The following LAMA3 variants were observed in gnomAD, a reference collection of about 807,000 sequenced individuals.
LAMA3 encodes laminin subunit alpha 3, also known as laminin subunit alpha-3.
A neutral mutation model predicts 402.0 loss-of-function variants in LAMA3; 281 were observed. That is an observed-to-expected ratio of 0.70 (90% CI 0.63 to 0.77). The LOEUF is 0.77. Ranked by LOEUF, LAMA3 falls within the 30% of genes least tolerant of loss-of-function variation. The pLI is 0.00. For synonymous variants in LAMA3, 1,431 were observed against 1,558.4 expected (o/e 0.92, Z 1.93); for missense variants, 3,840 against 4,215.5 (o/e 0.91, Z 2.47).
Position 23,841,417 on chromosome 18 carries a change from C to T in LAMA3, c.3337-978C>T, listed in dbSNP as rs557039342. On this transcript the variant is annotated intron_variant, in intron 27 of 74. Coordinates refer to ENST00000313654, the MANE Select transcript of LAMA3 (RefSeq NM_198129.4). ...CCAGCTTTTAGCCCTCAAAAACACT[C>T]GTTTTCATGGTGGGAGTGGAGGGAG... is the stretch of plus-strand genomic sequence containing the variant. Among the ~76,000 whole-genome samples, 36 of 152,196 alleles carry T rather than the reference C, an allele frequency of 2.4e-4. 1 individual carries two copies. The highest frequency in any genetic ancestry group is 7.2e-4 in the African/African-American group (30 of 41,528).
At chr18:23,769,984 CAA>C (rs1197508103) in intron 8 of LAMA3, among the ~76,000 whole-genome samples, 2 of 152,044 alleles carry the variant, frequency 1.3e-5, no homozygotes, top group South Asian at 2.1e-4. Flanking sequence ...AACTTTAAGA[CAA>C]AGAGCATTAA....
rs116695451 is a variant in LAMA3, at chr18:23,902,361, A to G, written c.6202-648A>G. Reference sequence around the variant, plus strand: ...AAAAAAAATTAAAAACAACAAAAATATGAGCGGTTTTATAGGGTTACAAAA... The same window carrying G: ...AAAAAAAATTAAAAACAACAAAAATGTGAGCGGTTTTATAGGGTTACAAAA... On this transcript the variant is annotated intron_variant, in intron 48 of 74. Coordinates refer to ENST00000313654, the MANE Select transcript of LAMA3 (RefSeq NM_198129.4). 3.4e-3 allele frequency among the ~76,000 whole-genome samples: 519 copies of G among 152,270 alleles called. 1 individual carries two copies. Among genetic ancestry groups the G allele is most frequent in the African/African-American group, 0.012 (491 of 41,564 alleles).
chr18:23,889,881 T>G, intron 41 of LAMA3, 130 bp from the exon 42 acceptor site: 5 of 774,684 alleles, frequency 6.5e-6, no homozygotes, highest in South Asian at 5.4e-5. Flanking sequence ...TATTCATTCT[T>G]GCAGATCTAT....
At chr18:23,908,256 C>T (rs555155909) in intron 54 of LAMA3, among the ~76,000 whole-genome samples, 4 of 151,998 alleles carry the variant, frequency 2.6e-5, no homozygotes, top group Non-Finnish European at 4.4e-5. Context: ...GTTTTCTGTG[C>T]GCTGTGGCTC....
intron 12 of LAMA3, among the ~76,000 whole-genome samples, chr18:23,803,717 A>T (rs936185129): frequency 1.3e-5 from 2 of 152,150 alleles, no homozygotes; most frequent in African/African-American, 4.8e-5. Flanking sequence ...TACTGGGAGG[A>T]TTTCCCTTCA....
Position 23,826,718 on chromosome 18 carries a change from T to A in LAMA3, c.2588T>A (p.Leu863His). 1 of 1,559,964 alleles carries A rather than the reference T, an allele frequency of 6.4e-7. No individual in the cohort carries two copies. Among genetic ancestry groups the A allele is most frequent in the Non-Finnish European group, 8.7e-7 (1 of 1,150,122 alleles). ...EGVLLDYLVL[L>H]PRDYYEASVL... Reference sequence around the variant, plus strand: ...ATTTTCTAGGATTACCTGGTGCTGCTCCCCAGGGACTACTATGAAGCCTCT... The same window carrying A: ...ATTTTCTAGGATTACCTGGTGCTGCACCCCAGGGACTACTATGAAGCCTCT... Residue 863 changes from leucine (L) to histidine (H), a missense_variant, in exon 22 of 75, where the codon CTC (leucine) becomes CAC (histidine). By Grantham distance (99) the Leu-to-His change is moderately conservative. This residue lies in a region of LAMA3 where 2,109 missense variants were observed against 2,376.0 expected (regional missense o/e 0.89). Transcript: ENST00000313654.
intron 2 of LAMA3, among the ~76,000 whole-genome samples, chr18:23,745,958 C>A (rs915419381): frequency 6.6e-6 from 1 of 152,068 alleles, no homozygotes; most frequent in South Asian, 2.1e-4. Context: ...GAGTTTTTAG[C>A]GAAATATATT....
intron 37 of LAMA3, among the ~76,000 whole-genome samples, chr18:23,868,952 A>C (rs1212712114): frequency 6.6e-6 from 1 of 152,226 alleles, no homozygotes; most frequent in African/African-American, 2.4e-5. Context: ...AATGTTTCTG[A>C]AAAGGTACAT....
chr18:23,784,031 T>C lies in LAMA3; in HGVS notation c.1477T>C (p.Cys493Arg), dbSNP rs771325518. 1.6e-5 allele frequency: 26 copies of C among 1,614,034 alleles called. No homozygotes were observed. The African/African-American group carries it at 2.0e-4, about 12-fold the overall frequency. The change falls in exon 12 of 75, where the codon TGT (cysteine) becomes CGT (arginine). Residue 493 changes from cysteine (C) to arginine (R), a missense_variant. Physicochemically the swap from Cys to Arg is radical, Grantham distance 180. Around this residue, in one of 3 missense-constraint regions of LAMA3, gnomAD observed 2,109 missense variants for 2,376.0 expected, o/e 0.89. Transcript: ENST00000313654. ...PVAGDIKGCD[C>R]NLEGVLPEIC... ...TTTCCTGTCTTCTGCAGGGTGTGACTGTAATCTGGAAGGTGTTCTCCCTGA... is the reference window on the plus strand; with the variant it reads ...TTTCCTGTCTTCTGCAGGGTGTGACCGTAATCTGGAAGGTGTTCTCCCTGA...
chr18:23,741,777 A>G (rs2061567495), intron 2 of LAMA3, among the ~76,000 whole-genome samples: 1 of 152,196 alleles, frequency 6.6e-6, no homozygotes, highest in African/African-American at 2.4e-5. Flanking sequence ...AGCATTATCA[A>G]TAATAGGACA....
Position 23,840,028 on chromosome 18 carries a change from A to T in LAMA3, c.3336+99A>T, listed in dbSNP as rs1490969832. ...ACTTGTCAGCAATGCAGATTCACAG[A>T]CCCACTACAGACCTACTGAGTTGGA... On this transcript the variant is annotated intron_variant, in intron 27 of 74. Transcript: ENST00000313654. The T allele has an allele frequency of 7.7e-6, 10 of 1,295,328 alleles. No individual in the cohort carries two copies. In the East Asian group the frequency reaches 2.4e-4, roughly 30 times the overall value. The allele number at this position is 1,295,328 out of a possible 1,614,324, so 80.2% of individuals were successfully genotyped here.
chr18:23,838,257 G>GT (rs1293096150), intron 25 of LAMA3, among the ~76,000 whole-genome samples: 1 of 152,170 alleles, frequency 6.6e-6, no homozygotes, highest in Non-Finnish European at 1.5e-5. Context: ...TAATGACTAA[G>GT]TTTTTTTGTG....
chr18:23,891,321 C>T (rs2080656026), intron 42 of LAMA3, among the ~76,000 whole-genome samples: 1 of 152,226 alleles, frequency 6.6e-6, no homozygotes, highest in Non-Finnish European at 1.5e-5. Flanking sequence ...TGTTGACAGA[C>T]TTCAGTCTTT....
chr18:23,760,172 A>G (rs768840083), intron 7 of LAMA3, among the ~76,000 whole-genome samples: 1 of 152,236 alleles, frequency 6.6e-6, no homozygotes, highest in Non-Finnish European at 1.5e-5. Context: ...ATCTCCTTTA[A>G]TAAGTTTTTA....
In LAMA3 at chr18:23,942,003, T is replaced by C. The variant is rs562497735; in HGVS notation, c.9027-1785T>C. ...TCTGGTTGGCTTAATTTAACAAATA[T>C]AGATTTCTCTTTCGTTTTGAAGAAC... On this transcript the variant is annotated intron_variant, in intron 68 of 74. Transcript: ENST00000313654. Among the ~76,000 whole-genome samples, 11 of 152,332 alleles carry C rather than the reference T, an allele frequency of 7.2e-5. No homozygotes were observed. The East Asian group carries it at 1.2e-3, about 16-fold the overall frequency.
intron 23 of LAMA3, 59 bp downstream of exon 23, chr18:23,827,526 A>G: frequency 6.4e-7 from 1 of 1,571,424 alleles, no homozygotes; most frequent in Non-Finnish European, 8.7e-7. Flanking sequence ...TGTATCTGCT[A>G]AAAATACTTG....
Position 23,914,882 on chromosome 18 carries a change from C to T in LAMA3, c.7644+22C>T, listed in dbSNP as rs767411980. On this transcript the variant is annotated intron_variant, in intron 58 of 74. Transcript: ENST00000313654. ...TAAAGTAAGTGTAAATGTTATTTCA[C>T]TGAATTAAATATTAAAATTTTAATT... The T allele has an allele frequency of 3.8e-6, 6 of 1,573,312 alleles. No individual in the cohort carries two copies. In the African/African-American group the frequency reaches 4.1e-5, roughly 11 times the overall value.
chr18:23,933,742 C>G, intron 66 of LAMA3, 40 bp from the exon 67 acceptor site: 1 of 1,611,320 alleles, frequency 6.2e-7, no homozygotes, highest in Non-Finnish European at 8.5e-7. Context: ...CTCGACATGT[C>G]CAAGTTTGGC....
At chr18:23,826,029 T>C (rs555286990) in intron 21 of LAMA3, among the ~76,000 whole-genome samples, 1 of 152,304 alleles carries the variant, frequency 6.6e-6, no homozygotes, top group Non-Finnish European at 1.5e-5. Flanking sequence ...AGCTTTGTGG[T>C]CTGTGTATGA....
Sources: gnomAD v4.1 joint callset for allele counts (sites outside exome capture counted in the v4.1 genomes callset) on GRCh38, gnomAD v4.1.1 for gene constraint, gnomAD v4.1.1 regional missense constraint, MANE v1.5 for transcripts, NCBI Gene and HGNC (gene_info 2026-07-23, HGNC 2026-07-21) for gene names.